The following UBE3C variants were observed in gnomAD, a reference collection of about 807,000 sequenced individuals.
The protein encoded by UBE3C is ubiquitin protein ligase E3C.
A neutral mutation model predicts 129.4 loss-of-function variants in UBE3C; 42 were observed. That is an observed-to-expected ratio of 0.32 (90% CI 0.25 to 0.42). UBE3C has a LOEUF of 0.42. Among genes scored for constraint, UBE3C ranks in the 10% least tolerant of loss-of-function variants. The pLI is 1.00. For synonymous variants in UBE3C, 510 were observed against 492.4 expected (o/e 1.04, Z -0.47); for missense variants, 1,049 against 1,319.1 (o/e 0.80, Z 3.17).
At chr7:157,250,994 T>C (rs1464738701) in intron 19 of UBE3C, among the ~76,000 whole-genome samples, 1 of 152,146 alleles carries the variant, frequency 6.6e-6, no homozygotes, top group Admixed American at 6.5e-5. Flanking sequence ...AAAGCAAAAG[T>C]GTGAAGTTAA....
chr7:157,142,149 T>C (rs903413940), intron 1 of UBE3C, among the ~76,000 whole-genome samples: 2 of 152,214 alleles, frequency 1.3e-5, no homozygotes, highest in African/African-American at 4.8e-5. Context: ...CACCTACATA[T>C]GCTTGTTTTC....
chr7:157,150,957 A>G (rs545207030), intron 1 of UBE3C, among the ~76,000 whole-genome samples: 23 of 152,260 alleles, frequency 1.5e-4, no homozygotes, highest in African/African-American at 5.5e-4. Flanking sequence ...TTGGCAGGAG[A>G]GTCAGTTCTC....
chr7:157,198,972 A>T (rs1289050467), intron 10 of UBE3C, among the ~76,000 whole-genome samples: 2 of 152,232 alleles, frequency 1.3e-5, no homozygotes, highest in Admixed American at 6.5e-5. Flanking sequence ...TATTTCAGAA[A>T]TATGTATACA....
At chr7:157,178,423 G>T (rs896627950) in intron 5 of UBE3C, among the ~76,000 whole-genome samples, 1 of 152,040 alleles carries the variant, frequency 6.6e-6, no homozygotes, top group African/African-American at 2.4e-5. Flanking sequence ...TTAATTTTTC[G>T]TGTTCATTTC....
chr7:157,223,355 T>C lies in UBE3C; in HGVS notation c.2100+4T>C, dbSNP rs777942465. 16 of 1,607,588 alleles carry C rather than the reference T, an allele frequency of 1.0e-5. No individual in the cohort carries two copies. Among genetic ancestry groups the C allele is most frequent in the African/African-American group, 4.0e-5 (3 of 74,542 alleles). The stretch of plus-strand genomic sequence containing the variant: ...TCCATTTGAGGAACGAGTAAAGGTA[T>C]GCAATTTGGCTTCTTTATTGTCACT... On this transcript the variant is annotated splice_donor_region_variant and intron_variant, in intron 16 of 22. Coordinates refer to ENST00000348165, the MANE Select transcript of UBE3C (RefSeq NM_014671.3).
intron 9 of UBE3C, 89 bp downstream of exon 9, chr7:157,184,118 C>A (rs1165492915): frequency 4.6e-6 from 7 of 1,530,486 alleles, no homozygotes; most frequent in South Asian, 1.2e-5. Context: ...GTTTCAGTTA[C>A]ACAAGTCAGA....
chr7:157,185,617 T>A (rs1808783561), intron 9 of UBE3C, among the ~76,000 whole-genome samples: 1 of 152,200 alleles, frequency 6.6e-6, no homozygotes, highest in South Asian at 2.1e-4. Flanking sequence ...TGGCACTTAA[T>A]TATATAAAAC....
intron 10 of UBE3C, chr7:157,197,993 C>T: frequency 1.2e-6 from 2 of 1,608,326 alleles, no homozygotes; most frequent in Non-Finnish European, 1.7e-6. Context: ...ATTCTTGATC[C>T]TGATGGTCCT....
chr7:157,192,946 G>A (rs1292812317), intron 10 of UBE3C: 5 of 619,506 alleles, frequency 8.1e-6, no homozygotes, highest in Non-Finnish European at 1.4e-5. Flanking sequence ...TTAAACTGTA[G>A]CATGAGGGAA....
chr7:157,192,417 T>C (rs1808994411), intron 10 of UBE3C: 2 of 719,394 alleles, frequency 2.8e-6, no homozygotes, highest in Non-Finnish European at 5.1e-6. Context: ...ACCCTCAAGG[T>C]TGAACCCTTG....
At chr7:157,263,272 G>C (rs1796969377) in intron 22 of UBE3C, 1 of 119,680 alleles carries the variant, frequency 8.4e-6, no homozygotes, top group South Asian at 2.4e-4. Context: ...CCAGGCACCT[G>C]TCGTAACGCC....
chr7:157,231,255 C>A lies in UBE3C; in HGVS notation c.2409C>A (p.Asn803Lys). ...KTTNEGLLYP[N>K]PAAQMLVGDS... is the part of the protein sequence containing the mutation. ...CTAATGAAGGGCTTCTGTACCCCAA[C>A]CCGGCTGCTCAGATGCTTGTGGGAG... Residue 803 changes from asparagine to lysine, a missense_variant, in exon 18 of 23, where the codon AAC (asparagine) becomes AAA (lysine). Asn to Lys is a moderately conservative substitution (Grantham distance 94). Coordinates refer to ENST00000348165, the MANE Select transcript of UBE3C (RefSeq NM_014671.3). The A allele has an allele frequency of 1.2e-6, 2 of 1,614,174 alleles. No individual in the cohort carries two copies. Among genetic ancestry groups the A allele is most frequent in the South Asian group, 1.1e-5 (1 of 91,086 alleles).
intron 10 of UBE3C, among the ~76,000 whole-genome samples, chr7:157,199,383 GA>G (rs66662472): frequency 0.058 from 8,761 of 152,188 alleles, 270 homozygotes; most frequent in South Asian, 0.077. Flanking sequence ...ATATCTCAGA[GA>G]TAGGGTATCT....
intron 18 of UBE3C, among the ~76,000 whole-genome samples, chr7:157,242,967 A>AT (rs1796382320): frequency 6.6e-6 from 1 of 152,078 alleles, no homozygotes; most frequent in African/African-American, 2.4e-5. Context: ...AGGTAGGAAA[A>AT]TCGCTTGAAA....
intron 1 of UBE3C, among the ~76,000 whole-genome samples, chr7:157,142,006 C>T (rs948052039): frequency 6.6e-6 from 1 of 152,220 alleles, no homozygotes; most frequent in Admixed American, 6.5e-5. Flanking sequence ...CCGTGTCGCA[C>T]GCCCACAGCA....
chr7:157,185,240 G>T (rs1373107761), intron 9 of UBE3C, among the ~76,000 whole-genome samples: 1 of 152,252 alleles, frequency 6.6e-6, no homozygotes, highest in Non-Finnish European at 1.5e-5. Flanking sequence ...CACGATGAAA[G>T]CAGAACATGC....
Position 157,181,578 on chromosome 7 carries a change from C to G in UBE3C, c.677C>G (p.Ser226Cys). Residue 226 changes from serine (S) to cysteine (C), a missense_variant, in exon 7 of 23, where the codon TCT becomes TGT. By Grantham distance (112) the Ser-to-Cys change is moderately radical. Transcript: ENST00000348165. Reference protein sequence around the residue: ...NSKLPSSIEYSDLSRVPIAKI... With the variant: ...NSKLPSSIEYCDLSRVPIAKI... ...AAGCTTCCATCAAGTATTGAATATTCTGATTTATCTCGAGTTCCTATAGCA... is the reference window on the plus strand; with the variant it reads ...AAGCTTCCATCAAGTATTGAATATTGTGATTTATCTCGAGTTCCTATAGCA... The G allele has an allele frequency of 1.2e-6, 2 of 1,613,422 alleles. No individual in the cohort carries two copies. The highest frequency in any genetic ancestry group is 1.7e-5 in the Admixed American group (1 of 59,850).
chr7:157,162,702 A>G (rs952765653), intron 1 of UBE3C, among the ~76,000 whole-genome samples: 1 of 150,528 alleles, frequency 6.6e-6, no homozygotes, highest in African/African-American at 2.4e-5. Flanking sequence ...GCTGCACCCA[A>G]CTATTTTTAA....
intron 10 of UBE3C, chr7:157,192,654 G>A (rs1305648805): frequency 2.6e-6 from 2 of 767,062 alleles, no homozygotes; most frequent in Admixed American, 3.4e-5. Flanking sequence ...GAGAAAGAAG[G>A]GGAAGCTGGC....
Sources: allele counts gnomAD v4.1 joint callset (sites outside exome capture counted in the v4.1 genomes callset), GRCh38; gene constraint gnomAD v4.1.1; transcripts MANE v1.5; gene names NCBI Gene and HGNC (gene_info 2026-07-23, HGNC 2026-07-21).